SOX30: variants seen among roughly 807,000 people sequenced by gnomAD.
SOX30 encodes SRY-box transcription factor 30.
In SOX30, 17 loss-of-function variants were observed where a neutral mutation model predicts 58.6. That is an observed-to-expected ratio of 0.29 (90% CI 0.20 to 0.44). The LOEUF (loss-of-function observed/expected upper bound fraction) is 0.44, where lower values mean the gene tolerates loss of function less well. Ranked by LOEUF, SOX30 falls within the 20% of genes least tolerant of loss-of-function variation. The pLI is 1.00. For synonymous variants in SOX30, 421 were observed against 400.2 expected (o/e 1.05, Z -0.62); for missense variants, 951 against 965.8 (o/e 0.98, Z 0.20).
chr5:157,627,895 G>T (rs1437643027), intron 4 of SOX30, among the ~76,000 whole-genome samples: 1 of 152,028 alleles, frequency 6.6e-6, no homozygotes, highest in Non-Finnish European at 1.5e-5. Flanking sequence ...TCAGGAGGCT[G>T]AGGCAGGAGA....
intron 4 of SOX30, among the ~76,000 whole-genome samples, chr5:157,628,083 C>T (rs905384511): frequency 5.9e-5 from 9 of 151,700 alleles, no homozygotes; most frequent in East Asian, 1.9e-4. Context: ...AGGAGGCTGA[C>T]GCAGGAGGAT....
intron 4 of SOX30, among the ~76,000 whole-genome samples, chr5:157,637,655 CTTATAG>C (rs1758962265): frequency 6.6e-6 from 1 of 152,074 alleles, no homozygotes; most frequent in African/African-American, 2.4e-5. Flanking sequence ...CTTAAGGTCC[CTTATAG>C]TTATTTTGCA....
At chr5:157,657,872 T>C (rs1228044631) in intron 2 of SOX30, among the ~76,000 whole-genome samples, 1 of 152,242 alleles carries the variant, frequency 6.6e-6, no homozygotes, top group African/African-American at 2.4e-5. Context: ...AAACAGTGGT[T>C]ATTTTACCAA....
chr5:157,669,626 C>T (rs760549820), intron 1 of SOX30, among the ~76,000 whole-genome samples: 2 of 151,954 alleles, frequency 1.3e-5, no homozygotes, highest in Admixed American at 6.6e-5. Flanking sequence ...GACTGATTCT[C>T]GTGCCTCAGC....
At chr5:157,642,933 A>T (rs1483210890) in intron 3 of SOX30, among the ~76,000 whole-genome samples, 1 of 152,232 alleles carries the variant, frequency 6.6e-6, no homozygotes, top group East Asian at 1.9e-4. Flanking sequence ...CCTAAAGAAG[A>T]CCTTAAGATT....
intron 4 of SOX30, among the ~76,000 whole-genome samples, chr5:157,627,341 GAC>G (rs1223408279): frequency 6.6e-6 from 1 of 152,084 alleles, no homozygotes; most frequent in Non-Finnish European, 1.5e-5. Context: ...CCAGCCTGGT[GAC>G]AGAGTGAGAC....
intron 3 of SOX30, among the ~76,000 whole-genome samples, chr5:157,643,394 T>C (rs968416100): frequency 2.9e-4 from 44 of 152,280 alleles, no homozygotes; most frequent in African/African-American, 1.0e-3. Context: ...CACTCCAGCG[T>C]GGGCAACAGA....
intron 3 of SOX30, among the ~76,000 whole-genome samples, chr5:157,643,878 A>G (rs1759129059): frequency 6.6e-6 from 1 of 152,166 alleles, no homozygotes; most frequent in Admixed American, 6.5e-5. Flanking sequence ...ATAGCACACG[A>G]GATGTGTGCT....
At chr5:157,667,208 A>G (rs933744569) in intron 2 of SOX30, among the ~76,000 whole-genome samples, 5 of 152,218 alleles carry the variant, frequency 3.3e-5, no homozygotes, top group Non-Finnish European at 5.9e-5. Context: ...CCAGACTCCT[A>G]TGAAATAAAG....
intron 4 of SOX30, among the ~76,000 whole-genome samples, chr5:157,628,287 T>C (rs1257066946): frequency 6.6e-6 from 1 of 151,880 alleles, no homozygotes; most frequent in Non-Finnish European, 1.5e-5. Context: ...TCCAACCATC[T>C]AGTGACAGAT....
chr5:157,651,468 G>GGGCTTTTGCCTGCCC lies in SOX30; in HGVS notation c.596_610dup (p.Ser203_Pro204insArgAlaGlyLysSer). The GGGCTTTTGCCTGCCC allele has an allele frequency of 2.5e-6, 4 of 1,613,348 alleles. No homozygotes were observed. The highest frequency in any genetic ancestry group is 3.4e-6 in the Non-Finnish European group (4 of 1,180,000). ...GATCACACCTTCTCGGATGGCTGCC[G>GGGCTTTTGCCTGCCC]GGCTTTTGCCTGCCCCGCCTTGCAT... On this transcript the variant is annotated inframe_insertion, in exon 1 of 5. Coordinates refer to ENST00000265007, the MANE Select transcript of SOX30 (RefSeq NM_178424.2).
At chr5:157,641,616 A>AAAT (rs945498704) in intron 3 of SOX30, among the ~76,000 whole-genome samples, 3 of 152,198 alleles carry the variant, frequency 2.0e-5, no homozygotes, top group African/African-American at 7.2e-5. Flanking sequence ...CTATCTCAAA[A>AAAT]AATAATAATA....
At chr5:157,668,099 C>A (rs1759704907) in intron 1 of SOX30, among the ~76,000 whole-genome samples, 1 of 152,212 alleles carries the variant, frequency 6.6e-6, no homozygotes, top group African/African-American at 2.4e-5. Flanking sequence ...TCATTATGAG[C>A]ACAGAGTTTA....
At position 157,638,279 on chromosome 5, in the gene SOX30, A is replaced by G. The variant is rs1202430003; in HGVS notation, c.1831T>C (p.Ser611Pro). Residue 611 changes from serine to proline, a missense_variant, in exon 4 of 5, where the codon TCT (serine) becomes CCT (proline). Around this residue, in one of 7 missense-constraint regions of SOX30, gnomAD observed 381 missense variants for 390.0 expected, o/e 0.98. Transcript: ENST00000265007. Reference protein sequence around the residue: ...ATLFGTPPRFSFHHPYFLPGP... With the variant: ...ATLFGTPPRFPFHHPYFLPGP... Reference sequence around the variant, plus strand: ...GGTAGGAAGTAAGGGTGATGAAAAGAGAATCTTGGTGGTGTCCCGAACAGT... The same window carrying G: ...GGTAGGAAGTAAGGGTGATGAAAAGGGAATCTTGGTGGTGTCCCGAACAGT... 3 of 1,573,056 alleles carry G rather than the reference A, an allele frequency of 1.9e-6. No individual in the cohort carries two copies. Among genetic ancestry groups the G allele is most frequent in the African/African-American group, 1.4e-5 (1 of 73,780 alleles).
At position 157,651,835 on chromosome 5, in the gene SOX30, G is replaced by T; in HGVS notation, c.244C>A (p.Pro82Thr). 1 of 1,586,314 alleles carries T rather than the reference G, an allele frequency of 6.3e-7. No individual in the cohort carries two copies. The highest frequency in any genetic ancestry group is 8.5e-7 in the Non-Finnish European group (1 of 1,170,462). Residue 82 changes from proline (P) to threonine (T), a missense_variant, in exon 1 of 5, where the codon CCA (proline) becomes ACA (threonine). Coordinates refer to ENST00000265007, the MANE Select transcript of SOX30 (RefSeq NM_178424.2). ...QVKPEQVLLL[P>T]QPQAQNEEAA... ...TCCTCGTTCTGGGCCTGAGGCTGTG[G>T]TAGCAGCAACACCTGCTCTGGCTTC...
intron 1 of SOX30, 116 bp downstream of exon 1, chr5:157,650,995 GA>G (rs1285441327): frequency 3.0e-5 from 24 of 788,172 alleles, no homozygotes; most frequent in Non-Finnish European, 4.8e-5. Context: ...ACTCTGCCCT[GA>G]AAACAATCAG....
intron 2 of SOX30, 116 bp from the exon 3 acceptor site, chr5:157,646,932 G>A (rs1218930910): frequency 1.3e-6 from 1 of 743,922 alleles, no homozygotes. Flanking sequence ...ATTGTCTAAA[G>A]TATCTTTTCC....
At chr5:157,633,975 T>C (rs1758868276) in intron 4 of SOX30, among the ~76,000 whole-genome samples, 1 of 151,904 alleles carries the variant, frequency 6.6e-6, no homozygotes, top group African/African-American at 2.4e-5. Flanking sequence ...GAGGAAGGGG[T>C]AGGGAGAAAA....
At chr5:157,643,318 G>A (rs1229430702) in intron 3 of SOX30, among the ~76,000 whole-genome samples, 1 of 152,188 alleles carries the variant, frequency 6.6e-6, no homozygotes, top group Non-Finnish European at 1.5e-5. Context: ...TACTCGGGAG[G>A]CTCAGGCAGG....
Sources: allele counts gnomAD v4.1 joint callset (sites outside exome capture counted in the v4.1 genomes callset), GRCh38; gene constraint gnomAD v4.1.1; regional missense constraint gnomAD v4.1.1; transcripts MANE v1.5; gene names NCBI Gene and HGNC (gene_info 2026-07-23, HGNC 2026-07-21).